The following TIFA variants were observed in gnomAD, a reference collection of about 807,000 sequenced individuals.
TIFA encodes TRAF-interacting protein with FHA domain-containing protein A.
For synonymous variants in TIFA, 75 were observed against 79.2 expected, an observed-to-expected ratio of 0.95 and a Z score of 0.28; for missense variants, 186 against 215.2, an observed-to-expected ratio of 0.86 and a Z score of 0.85.
rs996539542 is a variant in TIFA, at chr4:112,275,438, C to T, written c.*2424G>A. On this transcript the variant is annotated 3_prime_UTR_variant, in exon 2 of 2. Coordinates refer to ENST00000361717, the MANE Select transcript of TIFA (RefSeq NM_052864.3). ...ACAACCCCGCTTTGGGGTTGGGTAGCTCAGGCAGAGATGCTAACTTTGTAA... is the reference window on the plus strand; with the variant it reads ...ACAACCCCGCTTTGGGGTTGGGTAGTTCAGGCAGAGATGCTAACTTTGTAA... 1.3e-5 allele frequency: 2 copies of T among 152,158 alleles called. No individual in the cohort carries two copies. Among genetic ancestry groups the T allele is most frequent in the Non-Finnish European group, 2.9e-5 (2 of 68,026 alleles). 9.4% of individuals were successfully genotyped at this position (152,158 alleles called of 1,614,324 possible).
At position 112,278,244 on chromosome 4, in the gene TIFA, T is replaced by C; in HGVS notation, c.173A>G (p.Tyr58Cys). ...KFGRNSNICH[Y>C]TFQDKQVSRV... ...GGAAACCTGTTTGTCCTGAAAAGTA[T>C]AATGACAGATGTTGGAATTTCGGCC... The change falls in exon 2 of 2, where the codon TAT becomes TGT. Residue 58 changes from tyrosine (Y) to cysteine (C), a missense_variant. Coordinates refer to ENST00000361717, the MANE Select transcript of TIFA (RefSeq NM_052864.3). 2 of 1,614,090 alleles carry C rather than the reference T, an allele frequency of 1.2e-6. No homozygotes were observed. The highest frequency in any genetic ancestry group is 1.7e-6 in the Non-Finnish European group (2 of 1,179,984).
chr4:112,279,759 C>T (rs1174480572), intron 1 of TIFA, among the ~76,000 whole-genome samples: 2 of 151,906 alleles, frequency 1.3e-5, no homozygotes, highest in African/African-American at 4.8e-5. Context: ...CTCCACCTCC[C>T]GGGTTCAAGC....
rs1164133695 is a variant in TIFA at position 112,278,217 on chromosome 4, C to T, written c.200G>A (p.Arg67Gln). 1.5e-5 allele frequency: 25 copies of T among 1,613,358 alleles called. No individual in the cohort carries two copies. Among genetic ancestry groups the T allele is most frequent in the Non-Finnish European group, 2.1e-5 (25 of 1,179,788 alleles). The change falls in exon 2 of 2, where the codon CGA becomes CAA. Residue 67 changes from arginine (R) to glutamine (Q), a missense_variant. Physicochemically the swap from Arg to Gln is conservative, Grantham distance 43. Transcript: ENST00000361717. ...AAACAGCTGCAGAGAAAACTGAACT[C>T]GGGAAACCTGTTTGTCCTGAAAAGT... ...HYTFQDKQVS[R>Q]VQFSLQLFKK...
Position 112,278,313 on chromosome 4 carries a change from C to G in TIFA, c.104G>C (p.Ser35Thr). ...QLQCGIFQSI[S>T]FNREKLPSSE... Reference sequence around the variant, plus strand: ...GGAAGGGAGTTTCTCTCTGTTAAAACTTATTGACTGAAATATTCCACACTG... The same window carrying G: ...GGAAGGGAGTTTCTCTCTGTTAAAAGTTATTGACTGAAATATTCCACACTG... Residue 35 changes from serine to threonine, a missense_variant, in exon 2 of 2, where the codon AGT (serine) becomes ACT (threonine). Ser to Thr is a moderately conservative substitution (Grantham distance 58, BLOSUM62 1). Transcript: ENST00000361717. The G allele has an allele frequency of 6.2e-7, 1 of 1,614,022 alleles. No individual in the cohort carries two copies. The highest frequency in any genetic ancestry group is 8.5e-7 in the Non-Finnish European group (1 of 1,179,980).
chr4:112,278,631 TCTC>T (rs1417483624), intron 1 of TIFA, among the ~76,000 whole-genome samples, 197 bp from the exon 2 acceptor site: 6 of 152,228 alleles, frequency 3.9e-5, no homozygotes, highest in African/African-American at 1.4e-4. Flanking sequence ...TACACTAGCT[TCTC>T]CTATCTTTTT....
chr4:112,277,050 T>G lies in TIFA; in HGVS notation c.*812A>C, dbSNP rs188235192. 2 of 152,198 alleles carry G rather than the reference T, an allele frequency of 1.3e-5. No homozygotes were observed. Among genetic ancestry groups the G allele is most frequent in the African/African-American group, 4.8e-5 (2 of 41,460 alleles). The allele number at this position is 152,198 out of a possible 1,614,324, so 9.4% of individuals were successfully genotyped here. On this transcript the variant is annotated 3_prime_UTR_variant, in exon 2 of 2. Coordinates refer to ENST00000361717, the MANE Select transcript of TIFA (RefSeq NM_052864.3). ...CTGTAAAGTGGCCCAAGAACAGTTATTTCCCTTATTTAGAAAAAAATTCAA... is the reference window on the plus strand; with the variant it reads ...CTGTAAAGTGGCCCAAGAACAGTTAGTTCCCTTATTTAGAAAAAAATTCAA...
In TIFA at chr4:112,283,157, T is replaced by C. The variant is rs1037202417; in HGVS notation, c.-19+2483A>G. ...ACTCCAATGCATCCTCTCTTAACCA[T>C]TACAAACACTGCCTCCCTGGTTACC... On this transcript the variant is annotated intron_variant, in intron 1 of 1. Coordinates refer to ENST00000361717, the MANE Select transcript of TIFA (RefSeq NM_052864.3). 2.4e-4 allele frequency among the ~76,000 whole-genome samples: 36 copies of C among 152,286 alleles called. 1 individual carries two copies. The highest frequency in any genetic ancestry group is 7.0e-4 in the African/African-American group (29 of 41,568).
intron 1 of TIFA, among the ~76,000 whole-genome samples, chr4:112,278,783 G>T (rs1483708235): frequency 7.9e-5 from 12 of 152,118 alleles, no homozygotes; most frequent in Admixed American, 7.9e-4. Flanking sequence ...TGAGCCCAGA[G>T]AAAATATGAC....
chr4:112,281,991 A>C (rs1727237066), intron 1 of TIFA, among the ~76,000 whole-genome samples: 1 of 152,144 alleles, frequency 6.6e-6, no homozygotes, highest in Admixed American at 6.5e-5. Flanking sequence ...TCCCCACCCC[A>C]ATCTCATCTT....
intron 1 of TIFA, among the ~76,000 whole-genome samples, chr4:112,284,290 A>AACACACACAC (rs10522966): frequency 6.7e-6 from 1 of 149,816 alleles, no homozygotes; most frequent in Non-Finnish European, 1.5e-5. Context: ...CCTGCAACAC[A>AACACACACAC]ACACACACAC....
intron 1 of TIFA, among the ~76,000 whole-genome samples, chr4:112,280,109 G>A (rs375452809): frequency 6.6e-6 from 1 of 152,144 alleles, no homozygotes; most frequent in East Asian, 1.9e-4. Flanking sequence ...GAGATGCTGA[G>A]TGCCGCCTGC....
In TIFA at chr4:112,276,899, TTAAGA is replaced by T. The variant is rs1462350090; in HGVS notation, c.*958_*962del. 12 of 152,342 alleles carry T rather than the reference TTAAGA, an allele frequency of 7.9e-5. No individual in the cohort carries two copies. The highest frequency in any genetic ancestry group is 2.1e-4 in the South Asian group (1 of 4,830). The allele number at this position is 152,342 out of a possible 1,614,324, so 9.4% of individuals were successfully genotyped here. ...TACTTAACATTCATAGCTACCTTAGTTAAGATAAGTCGAATAAGTATCTTAAATAA... is the reference window on the plus strand; with the variant it reads ...TACTTAACATTCATAGCTACCTTAGTTAAGTCGAATAAGTATCTTAAATAA... On this transcript the variant is annotated 3_prime_UTR_variant, in exon 2 of 2. Coordinates refer to ENST00000361717, the MANE Select transcript of TIFA (RefSeq NM_052864.3).
Position 112,278,149 on chromosome 4 carries a change from T to A in TIFA, c.268A>T (p.Met90Leu), listed in dbSNP as rs749672723. 1.2e-6 allele frequency: 2 copies of A among 1,614,042 alleles called. No homozygotes were observed. The highest frequency in any genetic ancestry group is 2.2e-5 in the South Asian group (2 of 91,066). The change falls in exon 2 of 2, where the codon ATG becomes TTG. Residue 90 changes from methionine (M) to leucine (L), a missense_variant. Physicochemically the swap from Met to Leu is conservative, Grantham distance 15. Transcript: ENST00000361717. ...ACGATCAGATTGGTCTTTTTACTCATATTTTTTATTTCAAAGGAGAGAACT... is the reference window on the plus strand; with the variant it reads ...ACGATCAGATTGGTCTTTTTACTCAAATTTTTTATTTCAAAGGAGAGAACT... Reference protein sequence around the residue: ...SSVLSFEIKNMSKKTNLIVDS... With the variant: ...SSVLSFEIKNLSKKTNLIVDS...
chr4:112,277,889 C>G lies in TIFA; in HGVS notation c.528G>C (p.Pro176=). 6.3e-7 allele frequency: 1 copy of G among 1,597,810 alleles called. No individual in the cohort carries two copies. The change falls in exon 2 of 2, where the codon CCG becomes CCC. Residue 176 remains proline, a synonymous_variant. Transcript: ENST00000361717. ...YSLCSSQSSS[P]TEMDENES The stretch of plus-strand genomic sequence containing the variant: ...ATGACTCATTTTCATCCATTTCTGT[C>G]GGAGAACTGCTTTGGGAGGAGCAGA...
At chr4:112,283,567 A>C (rs1217009506) in intron 1 of TIFA, among the ~76,000 whole-genome samples, 1 of 152,198 alleles carries the variant, frequency 6.6e-6, no homozygotes, top group Non-Finnish European at 1.5e-5. Context: ...AAAAACAGGA[A>C]AGACAGAAGC....
At chr4:112,279,802 G>C (rs1470145818) in intron 1 of TIFA, among the ~76,000 whole-genome samples, 3 of 151,920 alleles carry the variant, frequency 2.0e-5, no homozygotes, top group African/African-American at 7.3e-5. Flanking sequence ...GAGTAGCCGG[G>C]ATTACAGAAA....
rs1727083011 is a variant in TIFA, at chr4:112,275,105, A to T, written c.*2757T>A. The T allele has an allele frequency of 6.7e-6, 1 of 148,706 alleles. No individual in the cohort carries two copies. Among genetic ancestry groups the T allele is most frequent in the African/African-American group, 2.5e-5 (1 of 40,262 alleles). 9.2% of individuals were successfully genotyped at this position (148,706 alleles called of 1,614,324 possible). On this transcript the variant is annotated 3_prime_UTR_variant, in exon 2 of 2. Transcript: ENST00000361717. ...TTGCCCCACCCCCACCCCTGTGACCATTTTTTTGAGAAAATGCTGTATCTA... is the reference window on the plus strand; with the variant it reads ...TTGCCCCACCCCCACCCCTGTGACCTTTTTTTTGAGAAAATGCTGTATCTA...
chr4:112,282,162 C>A (rs1159511163), intron 1 of TIFA, among the ~76,000 whole-genome samples: 1 of 152,204 alleles, frequency 6.6e-6, no homozygotes, highest in African/African-American at 2.4e-5. Flanking sequence ...CAGGCTCTCT[C>A]TTTGCCTGCT....
intron 1 of TIFA, among the ~76,000 whole-genome samples, chr4:112,283,780 C>A (rs1177329062): frequency 6.6e-6 from 1 of 152,200 alleles, no homozygotes; most frequent in African/African-American, 2.4e-5. Flanking sequence ...CTCTCCACTG[C>A]ACACACACTC....
Sources: gnomAD v4.1 joint callset for allele counts (sites outside exome capture counted in the v4.1 genomes callset) on GRCh38, gnomAD v4.1.1 for gene constraint, MANE v1.5 for transcripts, NCBI Gene and HGNC (gene_info 2026-07-23, HGNC 2026-07-21) for gene names.